PLCG2: variants seen among roughly 807,000 people sequenced by gnomAD.
The protein encoded by PLCG2 is phospholipase C gamma 2.
Under a neutral mutation model 175.6 loss-of-function variants are expected in PLCG2, and 69 were observed. The observed-to-expected ratio is 0.39, with a 90% CI of 0.32 to 0.48. PLCG2 has a LOEUF of 0.48. Ranked by LOEUF, PLCG2 falls within the 20% of genes least tolerant of loss-of-function variation. PLCG2 has a pLI of 0.91. For synonymous variants in PLCG2, 827 were observed against 624.0 expected (o/e 1.33, Z -4.85); for missense variants, 1,798 against 1,650.9 (o/e 1.09, Z -1.54).
At chr16:81,806,006 A>G (rs1235523226) in intron 2 of PLCG2, among the ~76,000 whole-genome samples, 1 of 151,994 alleles carries the variant, frequency 6.6e-6, no homozygotes, top group African/African-American at 2.4e-5. Context: ...AACTAACTTT[A>G]TTAATAAATT....
intron 2 of PLCG2, among the ~76,000 whole-genome samples, chr16:81,827,961 A>G (rs1047127100): frequency 2.6e-5 from 4 of 151,774 alleles, no homozygotes; most frequent in Non-Finnish European, 5.9e-5. Flanking sequence ...ATGGTGGCGG[A>G]TGCCTGTAAT....
intron 2 of PLCG2, among the ~76,000 whole-genome samples, chr16:81,831,663 C>A (rs942823702): frequency 6.6e-6 from 1 of 152,132 alleles, no homozygotes; most frequent in Non-Finnish European, 1.5e-5. Context: ...ATTTGTACCC[C>A]GAGTGGGACT....
intron 1 of PLCG2, among the ~76,000 whole-genome samples, chr16:81,785,429 C>T (rs1163158824): frequency 1.3e-5 from 2 of 152,092 alleles, no homozygotes; most frequent in African/African-American, 4.8e-5. Context: ...CATTTCTATG[C>T]AGAGGAACCA....
chr16:81,874,965 T>A (rs1254697677), intron 7 of PLCG2, among the ~76,000 whole-genome samples: 2 of 144,848 alleles, frequency 1.4e-5, no homozygotes, highest in Non-Finnish European at 3.0e-5. Context: ...TTTTTTTTTT[T>A]TTTTTTTTTT....
chr16:81,897,428 G>T (rs1012956547), intron 13 of PLCG2, among the ~76,000 whole-genome samples: 1 of 152,168 alleles, frequency 6.6e-6, no homozygotes, highest in African/African-American at 2.4e-5. Context: ...CTCACAGGGC[G>T]GTTGTGATGA....
intron 2 of PLCG2, among the ~76,000 whole-genome samples, chr16:81,818,274 G>C (rs2143323649): frequency 6.6e-6 from 1 of 152,308 alleles, no homozygotes; most frequent in Admixed American, 6.5e-5. Flanking sequence ...CCCCTCTGGA[G>C]GACATCCCAT....
rs558696563 is a variant in PLCG2, at chr16:81,873,279, C to G, written c.648+2344C>G. Among the ~76,000 whole-genome samples the G allele has an allele frequency of 7.2e-5, 11 of 152,274 alleles. No individual in the cohort carries two copies. The South Asian group carries it at 2.1e-3, about 29-fold the overall frequency. On this transcript the variant is annotated intron_variant, in intron 7 of 32. Transcript: ENST00000564138. ...CAATGGTTATAAAACTTTTAATACT[C>G]TTTAATCCCCTCTCCTTTAGACAGG...
chr16:81,819,149 A>G (rs4429291), intron 2 of PLCG2, among the ~76,000 whole-genome samples: 150,880 of 152,114 alleles, frequency 0.99, 74,832 homozygotes, highest in East Asian at 1. Flanking sequence ...GGTTCAGTGG[A>G]GGTTGGCGGT....
chr16:81,819,522 G>A (rs116689594), intron 2 of PLCG2, among the ~76,000 whole-genome samples: 2,115 of 152,260 alleles, frequency 0.014, 45 homozygotes, highest in African/African-American at 0.047. Flanking sequence ...CCTGAGGTGT[G>A]AGATCTTCCC....
intron 7 of PLCG2, among the ~76,000 whole-genome samples, chr16:81,872,324 T>C (rs1159029217): frequency 6.6e-6 from 1 of 152,192 alleles, no homozygotes; most frequent in Non-Finnish European, 1.5e-5. Flanking sequence ...TGAGACTCCA[T>C]CTCAAAACAA....
At chr16:81,781,388 C>T (rs1910724038) in intron 1 of PLCG2, among the ~76,000 whole-genome samples, 1 of 150,268 alleles carries the variant, frequency 6.7e-6, no homozygotes, top group South Asian at 2.1e-4. Context: ...AGGAGGCCCC[C>T]CACATTGATG....
intron 1 of PLCG2, among the ~76,000 whole-genome samples, chr16:81,753,522 G>C (rs191263199): frequency 6.6e-6 from 1 of 151,592 alleles, no homozygotes; most frequent in South Asian, 2.1e-4. Context: ...AGGTTCAAGC[G>C]ATTCTCCTGT....
In PLCG2 at chr16:81,888,328, A is replaced by G. The variant is rs1026257866; in HGVS notation, c.766-844A>G. Among the ~76,000 whole-genome samples, 18 of 152,202 alleles carry G rather than the reference A, an allele frequency of 1.2e-4. No homozygotes were observed. The South Asian group carries it at 3.5e-3, about 30-fold the overall frequency. ...TGGGTTCAAGCAATTCTCTTGCCTC[A>G]GCCTCCTGAGTAGCTGGGATTACAG... is the stretch of plus-strand genomic sequence containing the variant. On this transcript the variant is annotated intron_variant, in intron 9 of 32. Transcript: ENST00000564138.
rs576469239 is a variant in PLCG2 at position 81,936,751 on chromosome 16, G to T, written c.3052+373G>T. Among the ~76,000 whole-genome samples the T allele has an allele frequency of 2.6e-5, 4 of 152,308 alleles. No individual in the cohort carries two copies. In the South Asian group the frequency reaches 8.3e-4, roughly 32 times the overall value. On this transcript the variant is annotated intron_variant, in intron 27 of 32. Transcript: ENST00000564138. ...TTTCTTCCAGAGACATTTACATGCT[G>T]GCATAACTAACATACACAAACTTCT...
At chr16:81,858,974 C>T in intron 4 of PLCG2, 142 bp from the exon 5 acceptor site, 4 of 552,300 alleles carry the variant, frequency 7.2e-6, no homozygotes, top group Admixed American at 3.3e-5. Flanking sequence ...AACTGCTTCC[C>T]AAGCTGCCCT....
At chr16:81,938,974 G>T (rs1200751244) in intron 29 of PLCG2, 59 bp downstream of exon 29, 2 of 960,382 alleles carry the variant, frequency 2.1e-6, no homozygotes, top group African/African-American at 3.2e-5. Flanking sequence ...ATCCTTTGTG[G>T]GAGTGCTCTT....
At chr16:81,806,151 G>A (rs1172566574) in intron 2 of PLCG2, among the ~76,000 whole-genome samples, 2 of 152,016 alleles carry the variant, frequency 1.3e-5, no homozygotes, top group African/African-American at 4.8e-5. Context: ...AACACATCTT[G>A]ATTCAGACAG....
At chr16:81,822,413 A>T (rs1904839201) in intron 2 of PLCG2, among the ~76,000 whole-genome samples, 2 of 152,108 alleles carry the variant, frequency 1.3e-5, no homozygotes, top group South Asian at 4.2e-4. Context: ...GAGATGGGAG[A>T]GTATTCTGGG....
chr16:81,810,193 C>G (rs1249772606), intron 2 of PLCG2, among the ~76,000 whole-genome samples: 1 of 152,078 alleles, frequency 6.6e-6, no homozygotes, highest in Non-Finnish European at 1.5e-5. Context: ...GTTTCACCAT[C>G]TTGGCCAGGA....
Sources: allele counts gnomAD v4.1 joint callset (sites outside exome capture counted in the v4.1 genomes callset), GRCh38; gene constraint gnomAD v4.1.1; transcripts MANE v1.5; gene names NCBI Gene and HGNC (gene_info 2026-07-23, HGNC 2026-07-21).